ASIC2: variants seen among roughly 807,000 people sequenced by gnomAD.
ASIC2 encodes the protein acid sensing ion channel subunit 2, also known as acid-sensing ion channel 2.
In ASIC2, 25 loss-of-function variants were observed where a neutral mutation model predicts 57.3. The ratio of observed to expected loss-of-function variants is 0.44; its 90% CI spans 0.32 to 0.61. The LOEUF (loss-of-function observed/expected upper bound fraction) is 0.61, where lower values mean the gene tolerates loss of function less well. Among genes scored for constraint, ASIC2 ranks in the 20% least tolerant of loss-of-function variants. The pLI, the probability that ASIC2 is intolerant of heterozygous loss-of-function variation, is 0.06. For missense variants in ASIC2, 641 were observed against 738.1 expected (o/e 0.87, Z 1.52); for synonymous variants, 319 against 307.5 (o/e 1.04, Z -0.39).
At chr17:33,489,154 G>A (rs1247736663) in intron 1 of ASIC2, among the ~76,000 whole-genome samples, 1 of 151,804 alleles carries the variant, frequency 6.6e-6, no homozygotes, top group Non-Finnish European at 1.5e-5. Context: ...TTGGACATGG[G>A]CATCTTGGTT....
intron 1 of ASIC2, among the ~76,000 whole-genome samples, chr17:33,677,293 T>C (rs1165268856): frequency 1.3e-5 from 2 of 152,204 alleles, no homozygotes; most frequent in Non-Finnish European, 2.9e-5. Context: ...ACTCTTTTGT[T>C]AGAGGCCAGC....
intron 1 of ASIC2, among the ~76,000 whole-genome samples, chr17:33,427,133 G>A (rs955872605): frequency 3.9e-5 from 6 of 152,194 alleles, no homozygotes; most frequent in African/African-American, 1.2e-4. Flanking sequence ...TCAGCCCATC[G>A]ATCAGAAGGA....
At chr17:33,074,634 T>C (rs566808014) in intron 3 of ASIC2, among the ~76,000 whole-genome samples, 2 of 152,206 alleles carry the variant, frequency 1.3e-5, no homozygotes, top group African/African-American at 2.4e-5. Context: ...CAGGCAGTAT[T>C]GCTCAATGGT....
intron 1 of ASIC2, among the ~76,000 whole-genome samples, chr17:33,663,618 G>A (rs1212308012): frequency 6.6e-6 from 1 of 152,102 alleles, no homozygotes; most frequent in African/African-American, 2.4e-5. Context: ...GAGGTTCGTG[G>A]CAGGGCTGAG....
rs1905505111 is a variant in ASIC2, at chr17:33,292,154, G to A, written c.-39C>T. On this transcript the variant is annotated 5_prime_UTR_variant, in exon 1 of 10. Coordinates refer to ENST00000225823, the MANE Select transcript of ASIC2 (RefSeq NM_183377.2). ...GGCTGGCGGCAGCGGCGGCGGCCCC[G>A]GCCGGGCGGAGCCGCCATGGGAGTC... The A allele has an allele frequency of 4.9e-6, 5 of 1,025,738 alleles. No individual in the cohort carries two copies. The South Asian group carries it at 1.4e-4, about 28-fold the overall frequency. 63.5% of individuals were successfully genotyped at this position (1,025,738 alleles called of 1,614,324 possible).
At chr17:33,480,346 C>T (rs1304504559) in intron 1 of ASIC2, among the ~76,000 whole-genome samples, 1 of 152,136 alleles carries the variant, frequency 6.6e-6, no homozygotes, top group Non-Finnish European at 1.5e-5. Flanking sequence ...AGGGGTGGGG[C>T]TCAGTCTTCT....
At chr17:33,558,558 C>T (rs7217250) in intron 1 of ASIC2, among the ~76,000 whole-genome samples, 2 of 151,466 alleles carry the variant, frequency 1.3e-5, no homozygotes, top group African/African-American at 4.9e-5. Flanking sequence ...TATTAGAATA[C>T]ATCTAGTGTA....
intron 1 of ASIC2, among the ~76,000 whole-genome samples, chr17:33,646,134 A>T (rs1418983084): frequency 6.6e-6 from 1 of 152,142 alleles, no homozygotes; most frequent in Non-Finnish European, 1.5e-5. Context: ...TTTGGACCCC[A>T]AATTTTAAAG....
At chr17:33,049,332 C>T (rs1431896676) in intron 3 of ASIC2, among the ~76,000 whole-genome samples, 1 of 152,116 alleles carries the variant, frequency 6.6e-6, no homozygotes. Flanking sequence ...GCCCAGTTTC[C>T]CTGTCTATAA....
chr17:33,345,788 GT>G (rs1008177356), intron 1 of ASIC2, among the ~76,000 whole-genome samples: 1 of 152,150 alleles, frequency 6.6e-6, no homozygotes, highest in African/African-American at 2.4e-5. Context: ...GATCTGACAC[GT>G]CTTTAAAAAG....
At chr17:33,192,391 AAAC>A (rs1238109008) in intron 1 of ASIC2, among the ~76,000 whole-genome samples, 1 of 9,630 alleles carries the variant, frequency 1.0e-4, no homozygotes, top group South Asian at 1.3e-3. Flanking sequence ...CTCAAAAACA[AAAC>A]AAAACAAAAC....
chr17:33,030,042 T>G (rs1387366611), intron 3 of ASIC2, among the ~76,000 whole-genome samples: 1 of 152,242 alleles, frequency 6.6e-6, no homozygotes, highest in Non-Finnish European at 1.5e-5. Context: ...ACACATGTAT[T>G]GTAAATATTT....
rs56881539 is a variant in ASIC2 at position 33,279,615 on chromosome 17, T to C, written c.708+11793A>G. Among the ~76,000 whole-genome samples the C allele has an allele frequency of 7.0e-3, 1,072 of 152,246 alleles. 13 individuals are homozygous for C. The highest frequency in any genetic ancestry group is 0.024 in the African/African-American group (1,014 of 41,550). On this transcript the variant is annotated intron_variant, in intron 1 of 9. Transcript: ENST00000225823. ...ATAAATTAAAAATTCCAGTCTGGCC[T>C]GGTGGCTCACACCTGCAATCCCAAC...
chr17:34,021,667 T>G (rs9907629), intron 1 of ASIC2, among the ~76,000 whole-genome samples: 1 of 152,144 alleles, frequency 6.6e-6, no homozygotes, highest in African/African-American at 2.4e-5. Flanking sequence ...AGTTAGCAGA[T>G]GAGATCAGCG....
chr17:33,032,633 G>A (rs71377466), intron 3 of ASIC2, among the ~76,000 whole-genome samples: 2 of 151,886 alleles, frequency 1.3e-5, no homozygotes, highest in African/African-American at 4.8e-5. Context: ...ATTTTTAGTA[G>A]AGCCAGACTT....
chr17:33,639,287 T>G (rs995518912), intron 1 of ASIC2, among the ~76,000 whole-genome samples: 3 of 152,178 alleles, frequency 2.0e-5, no homozygotes, highest in African/African-American at 7.2e-5. Flanking sequence ...TTGAGAAATG[T>G]GACCAGACAA....
chr17:33,136,068 A>G (rs576498827), intron 1 of ASIC2, among the ~76,000 whole-genome samples: 18 of 152,188 alleles, frequency 1.2e-4, no homozygotes, highest in African/African-American at 4.1e-4. Flanking sequence ...TCATGTCCTG[A>G]CCTTGGGCTC....
At chr17:33,236,547 C>T (rs1339365070) in intron 1 of ASIC2, among the ~76,000 whole-genome samples, 1 of 151,812 alleles carries the variant, frequency 6.6e-6, no homozygotes, top group Non-Finnish European at 1.5e-5. Context: ...TGCTATGTTG[C>T]CCAGGTTGAT....
At chr17:33,350,682 A>T (rs1300935374) in intron 1 of ASIC2, among the ~76,000 whole-genome samples, 1 of 151,238 alleles carries the variant, frequency 6.6e-6, no homozygotes, top group Non-Finnish European at 1.5e-5. Flanking sequence ...ACTCTGTGAG[A>T]AAAAAAAAGA....
Sources: gnomAD v4.1 joint callset for allele counts (sites outside exome capture counted in the v4.1 genomes callset) on GRCh38, gnomAD v4.1.1 for gene constraint, MANE v1.5 for transcripts, NCBI Gene and HGNC (gene_info 2026-07-23, HGNC 2026-07-21) for gene names.